The following CHD6 variants were observed in gnomAD, a reference collection of about 807,000 sequenced individuals.
CHD6 encodes the protein chromodomain helicase DNA binding protein 6, also known as ATP-dependent chromatin remodeler CHD6.
In CHD6, 50 loss-of-function variants were observed where a neutral mutation model predicts 276.9. The observed-to-expected ratio is 0.18, with a 90% confidence interval of 0.14 to 0.23. CHD6 has a LOEUF of 0.23. Among genes scored for constraint, CHD6 ranks in the 10% least tolerant of loss-of-function variants. The pLI, the probability that CHD6 is intolerant of heterozygous loss-of-function variation, is 1.00. For missense variants in CHD6, 2,564 were observed against 3,365.8 expected (o/e 0.76, Z 5.89); for synonymous variants, 1,173 against 1,229.3 (o/e 0.95, Z 0.96).
chr20:41,582,724 A>G (rs984971329), intron 1 of CHD6, among the ~76,000 whole-genome samples: 6 of 152,224 alleles, frequency 3.9e-5, no homozygotes, highest in African/African-American at 1.2e-4. Context: ...AACAATTGAT[A>G]TGTTAAAAAA....
rs866463844 is a variant in CHD6, at chr20:41,404,694, C to T, written c.8047G>A (p.Glu2683Lys). 6.9e-6 allele frequency: 11 copies of T among 1,589,852 alleles called. No homozygotes were observed. In the Middle Eastern group the frequency reaches 1.7e-3, roughly 247 times the overall value. ...GGGGCACTGGGTTCGGCACAGTTCT[C>T]ATCACCGCTGGGCTCCCTTTCACAG... ...PSCEREPSGD[E>K]NCAEPSAPLP... The change falls in exon 37 of 37, where the codon GAG becomes AAG. Residue 2683 changes from glutamate (E) to lysine (K), a missense_variant. Coordinates refer to ENST00000373233, the MANE Select transcript of CHD6 (RefSeq NM_032221.5).
At chr20:41,607,835 T>C (rs898806149) in intron 1 of CHD6, among the ~76,000 whole-genome samples, 1 of 151,146 alleles carries the variant, frequency 6.6e-6, no homozygotes, top group Admixed American at 6.6e-5. Flanking sequence ...TTGCTTACAC[T>C]ATGTAATCAT....
chr20:41,438,986 C>G (rs967677342), intron 26 of CHD6, among the ~76,000 whole-genome samples: 9 of 152,194 alleles, frequency 5.9e-5, no homozygotes, highest in Non-Finnish European at 1.3e-4. Flanking sequence ...ATTCTCAGGT[C>G]TGGCCACAGA....
At position 41,451,807 on chromosome 20, in the gene CHD6, T is replaced by A; in HGVS notation, c.3523+19A>T. ...GCATGGGAATCGTGCTTCTTAGGCATGGCCCTGCCACCTCTCACCTGAGTG... is the reference window on the plus strand; with the variant it reads ...GCATGGGAATCGTGCTTCTTAGGCAAGGCCCTGCCACCTCTCACCTGAGTG... On this transcript the variant is annotated intron_variant, in intron 22 of 36. Transcript: ENST00000373233. 6.2e-7 allele frequency: 1 copy of A among 1,612,244 alleles called. No homozygotes were observed. Among genetic ancestry groups the A allele is most frequent in the Non-Finnish European group, 8.5e-7 (1 of 1,178,274 alleles).
intron 35 of CHD6, among the ~76,000 whole-genome samples, chr20:41,412,590 A>C (rs1405273436): frequency 2.0e-5 from 3 of 152,108 alleles, no homozygotes; most frequent in Non-Finnish European, 4.4e-5. Flanking sequence ...TTCTCTTGTC[A>C]CTGCTACTTG....
In CHD6 at chr20:41,440,138, G is replaced by C; in HGVS notation, c.3878-9C>G. ...ATTGTACCTTTCATAACCTGATCAAGAGTGGTGAGAAATGCCAGAAGTCAT... is the reference window on the plus strand; with the variant it reads ...ATTGTACCTTTCATAACCTGATCAACAGTGGTGAGAAATGCCAGAAGTCAT... On this transcript the variant is annotated splice_polypyrimidine_tract_variant and intron_variant, in intron 25 of 36. Coordinates refer to ENST00000373233, the MANE Select transcript of CHD6 (RefSeq NM_032221.5). The C allele has an allele frequency of 6.2e-7, 1 of 1,611,420 alleles. No homozygotes were observed. Among genetic ancestry groups the C allele is most frequent in the South Asian group, 1.1e-5 (1 of 90,936 alleles).
chr20:41,602,466 G>C (rs2045783450), intron 1 of CHD6, among the ~76,000 whole-genome samples: 1 of 152,280 alleles, frequency 6.6e-6, no homozygotes, highest in Non-Finnish European at 1.5e-5. Context: ...CTGCCAGTTT[G>C]CTCAAGTTTA....
intron 1 of CHD6, among the ~76,000 whole-genome samples, chr20:41,598,942 G>T (rs1044195435): frequency 5.3e-5 from 8 of 152,124 alleles, no homozygotes; most frequent in African/African-American, 1.9e-4. Flanking sequence ...CACAAAAAAA[G>T]GAGTACTCCC....
At chr20:41,592,077 C>T (rs370086091) in intron 1 of CHD6, among the ~76,000 whole-genome samples, 11 of 152,162 alleles carry the variant, frequency 7.2e-5, no homozygotes, top group Middle Eastern at 3.4e-3. Context: ...CCAGCCTGGG[C>T]GACAGAGTGA....
At chr20:41,446,090 G>A (rs919710301) in intron 24 of CHD6, among the ~76,000 whole-genome samples, 1 of 152,188 alleles carries the variant, frequency 6.6e-6, no homozygotes, top group Admixed American at 6.5e-5. Flanking sequence ...TGCACCTTAT[G>A]TGAACCACAG....
chr20:41,578,247 A>T (rs1383307391), intron 1 of CHD6, among the ~76,000 whole-genome samples: 1 of 152,208 alleles, frequency 6.6e-6, no homozygotes, highest in African/African-American at 2.4e-5. Context: ...AAAACTGTTT[A>T]AAAATAACAC....
chr20:41,483,120 T>C (rs2043332255), intron 16 of CHD6, among the ~76,000 whole-genome samples, 189 bp downstream of exon 16: 3 of 152,020 alleles, frequency 2.0e-5, no homozygotes. Context: ...AATTTACTCT[T>C]GACAGTTAAA....
chr20:41,579,787 T>C (rs2146229571), intron 1 of CHD6, among the ~76,000 whole-genome samples: 1 of 152,322 alleles, frequency 6.6e-6, no homozygotes, highest in East Asian at 1.9e-4. Flanking sequence ...CACTAAAACA[T>C]GTTTTTAAAC....
chr20:41,537,758 T>C (rs1000282447), intron 2 of CHD6, among the ~76,000 whole-genome samples: 2 of 152,160 alleles, frequency 1.3e-5, no homozygotes, highest in South Asian at 2.1e-4. Context: ...TACAGAGGAA[T>C]TGAAACTTTC....
intron 1 of CHD6, among the ~76,000 whole-genome samples, chr20:41,583,629 C>A (rs1228068832): frequency 6.6e-6 from 1 of 152,096 alleles, no homozygotes; most frequent in Non-Finnish European, 1.5e-5. Context: ...AATGCGAGAT[C>A]TTTTTTTCAC....
chr20:41,492,992 C>T (rs751156474), intron 10 of CHD6, among the ~76,000 whole-genome samples: 6 of 152,168 alleles, frequency 3.9e-5, no homozygotes, highest in Non-Finnish European at 7.3e-5. Context: ...ACTTCTCAGG[C>T]GCCCTGGGAG....
intron 3 of CHD6, among the ~76,000 whole-genome samples, chr20:41,532,139 C>T (rs1192974860): frequency 6.6e-6 from 1 of 152,130 alleles, no homozygotes; most frequent in Non-Finnish European, 1.5e-5. Context: ...GAATTCCCTG[C>T]ACAAGGAATG....
chr20:41,603,957 C>T (rs769924177), intron 1 of CHD6, among the ~76,000 whole-genome samples: 41 of 149,986 alleles, frequency 2.7e-4, no homozygotes, highest in Non-Finnish European at 5.5e-4. Flanking sequence ...GTTAGCAAGG[C>T]CTTACCCTGG....
In CHD6 at chr20:41,427,207, G is replaced by A. The variant is rs893546185; in HGVS notation, c.4069-1054C>T. 1.8e-4 allele frequency among the ~76,000 whole-genome samples: 28 copies of A among 151,520 alleles called. 1 individual carries two copies. Reference sequence around the variant, plus strand: ...CTGGAATACACAACATGGTAGACCAGTAATCTAGTATGGTAGGAAAGGAGA... The same window carrying A: ...CTGGAATACACAACATGGTAGACCAATAATCTAGTATGGTAGGAAAGGAGA... On this transcript the variant is annotated intron_variant, in intron 27 of 36. Coordinates refer to ENST00000373233, the MANE Select transcript of CHD6 (RefSeq NM_032221.5).
Sources: allele counts gnomAD v4.1 joint callset (sites outside exome capture counted in the v4.1 genomes callset), GRCh38; gene constraint gnomAD v4.1.1; transcripts MANE v1.5; gene names NCBI Gene and HGNC (gene_info 2026-07-23, HGNC 2026-07-21).